TMEM63C: variants seen among roughly 807,000 people sequenced by gnomAD.
TMEM63C encodes transmembrane protein 63C.
TMEM63C carries 32 observed loss-of-function variants against 99.2 expected under a neutral mutation model. The observed-to-expected ratio is 0.32, with a 90% CI of 0.24 to 0.43. The LOEUF (loss-of-function observed/expected upper bound fraction) is 0.43, where lower values mean the gene tolerates loss of function less well. Among genes scored for constraint, TMEM63C ranks in the 20% least tolerant of loss-of-function variants. The pLI, the probability that TMEM63C is intolerant of heterozygous loss-of-function variation, is 1.00. For missense variants in TMEM63C, 826 were observed against 1,053.0 expected (o/e 0.78, Z 2.98); for synonymous variants, 376 against 397.9 (o/e 0.94, Z 0.66).
chr14:77,204,682 T>C (rs1888365898), intron 1 of TMEM63C, among the ~76,000 whole-genome samples: 1 of 152,250 alleles, frequency 6.6e-6, no homozygotes, highest in South Asian at 2.1e-4. Flanking sequence ...TCGAATGTAC[T>C]AGGTACAACA....
At chr14:77,203,472 G>A (rs2140098651) in intron 1 of TMEM63C, among the ~76,000 whole-genome samples, 1 of 152,130 alleles carries the variant, frequency 6.6e-6, no homozygotes, top group Middle Eastern at 3.4e-3. Flanking sequence ...ACAAGCACTG[G>A]CAACAGTTTC....
At chr14:77,195,937 A>C (rs1888206532) in intron 1 of TMEM63C, 1 of 152,564 alleles carries the variant, frequency 6.6e-6, no homozygotes, top group South Asian at 2.1e-4. Context: ...GCCTTGTGGT[A>C]GATACTGACA....
At chr14:77,216,250 C>T (rs1888584470) in intron 2 of TMEM63C, among the ~76,000 whole-genome samples, 1 of 152,144 alleles carries the variant, frequency 6.6e-6, no homozygotes, top group South Asian at 2.1e-4. Context: ...ACACCACCCT[C>T]TCCTGCTTTT....
Position 77,248,485 on chromosome 14 carries a change from G to C in TMEM63C, c.1740G>C (p.Glu580Asp). 1 of 1,590,562 alleles carries C rather than the reference G, an allele frequency of 6.3e-7. No homozygotes were observed. The highest frequency in any genetic ancestry group is 8.6e-7 in the Non-Finnish European group (1 of 1,168,540). The change falls in exon 19 of 24, where the codon GAG (glutamate) becomes GAC (aspartate). Residue 580 changes from glutamate to aspartate, a missense_variant. Transcript: ENST00000298351. ...YSTRLFFSRS[E>D]PERVNIRKNQ... ...CCCGCCTCTTCTTCTCTAGATCAGAGCCAGAGAGAGTCAACATCAGAAAGG... is the reference window on the plus strand; with the variant it reads ...CCCGCCTCTTCTTCTCTAGATCAGACCCAGAGAGAGTCAACATCAGAAAGG...
At chr14:77,214,924 C>A (rs189426287) in intron 2 of TMEM63C, among the ~76,000 whole-genome samples, 47 of 152,282 alleles carry the variant, frequency 3.1e-4, no homozygotes, top group Non-Finnish European at 3.5e-4. Context: ...TTTCCCTGGT[C>A]CTCACCCATC....
chr14:77,241,319 C>T (rs1257376877), intron 13 of TMEM63C, among the ~76,000 whole-genome samples: 2 of 152,180 alleles, frequency 1.3e-5, no homozygotes, highest in Non-Finnish European at 2.9e-5. Context: ...TGCCCTTCTC[C>T]TGCCGCAGGC....
At chr14:77,202,495 T>C (rs557526846) in intron 1 of TMEM63C, among the ~76,000 whole-genome samples, 2 of 152,314 alleles carry the variant, frequency 1.3e-5, no homozygotes, top group Non-Finnish European at 2.9e-5. Context: ...CCGTGCTCCC[T>C]CTGCAGGACC....
intron 1 of TMEM63C, among the ~76,000 whole-genome samples, chr14:77,201,640 G>A (rs1447899481): frequency 6.6e-6 from 1 of 152,232 alleles, no homozygotes; most frequent in Admixed American, 6.5e-5. Context: ...CAGAAACCCT[G>A]GGGCAGGGCC....
At chr14:77,243,902 G>C (rs1342397931) in intron 15 of TMEM63C, among the ~76,000 whole-genome samples, 1 of 151,860 alleles carries the variant, frequency 6.6e-6, no homozygotes, top group African/African-American at 2.4e-5. Context: ...ACACACACAA[G>C]TCAAGCCACA....
Position 77,248,760 on chromosome 14 carries a change from G to T in TMEM63C, c.1765-7G>T. ...CACCTCAGGGTGACACCTGCCTTCTGCCCCAGAACCAGGCCATAGACTTCC... is the reference window on the plus strand; with the variant it reads ...CACCTCAGGGTGACACCTGCCTTCTTCCCCAGAACCAGGCCATAGACTTCC... On this transcript the variant is annotated splice_region_variant and splice_polypyrimidine_tract_variant and intron_variant, in intron 19 of 23. Coordinates refer to ENST00000298351, the MANE Select transcript of TMEM63C (RefSeq NM_020431.4). The T allele has an allele frequency of 6.2e-7, 1 of 1,613,728 alleles. No individual in the cohort carries two copies. The highest frequency in any genetic ancestry group is 1.7e-5 in the Admixed American group (1 of 60,034).
chr14:77,214,116 T>G (rs1311744258), intron 2 of TMEM63C, among the ~76,000 whole-genome samples: 2 of 152,128 alleles, frequency 1.3e-5, no homozygotes, highest in Non-Finnish European at 2.9e-5. Context: ...TCCTGAAACC[T>G]TTCCATGGTG....
intron 12 of TMEM63C, among the ~76,000 whole-genome samples, chr14:77,240,126 C>T (rs1889140998): frequency 6.6e-6 from 1 of 152,248 alleles, no homozygotes; most frequent in Non-Finnish European, 1.5e-5. Context: ...GACTCAGACA[C>T]CTGCTTCAGG....
chr14:77,242,827 T>C, intron 14 of TMEM63C, 76 bp from the exon 15 acceptor site: 5 of 1,563,596 alleles, frequency 3.2e-6, no homozygotes, highest in Non-Finnish European at 4.4e-6. Flanking sequence ...GGTCCACAGC[T>C]GGCCTGCAGC....
intron 9 of TMEM63C, 67 bp from the exon 10 acceptor site, chr14:77,238,627 G>T: frequency 1.5e-6 from 2 of 1,322,124 alleles, no homozygotes; most frequent in South Asian, 2.4e-5. Context: ...GCCACCAAAA[G>T]ACTGAGGTGT....
chr14:77,252,733 T>A (rs1403945296), intron 22 of TMEM63C, among the ~76,000 whole-genome samples: 2 of 152,216 alleles, frequency 1.3e-5, no homozygotes. Context: ...TCTCTTTGCT[T>A]CTGGTGTCTC....
rs1185724819 is a variant in TMEM63C at position 77,259,182 on chromosome 14, C to G, written c.*2456C>G. ...CCAGCCACTTCCCAGCCGCCCCACC[C>G]CACTCCATCCACCAAATCACCTCCT... is the stretch of plus-strand genomic sequence containing the variant. On this transcript the variant is annotated 3_prime_UTR_variant, in exon 24 of 24. Coordinates refer to ENST00000298351, the MANE Select transcript of TMEM63C (RefSeq NM_020431.4). The G allele has an allele frequency of 6.5e-6, 1 of 153,274 alleles. No homozygotes were observed. Among genetic ancestry groups the G allele is most frequent in the Admixed American group, 6.5e-5 (1 of 15,292 alleles). The allele number at this position is 153,274 out of a possible 1,614,324, so 9.5% of individuals were successfully genotyped here. A position where few individuals can be genotyped will look rare whatever the true frequency, so the allele number is the denominator to read the frequency against.
chr14:77,240,646 T>C (rs1218737337), intron 13 of TMEM63C, 38 bp downstream of exon 13: 2 of 1,597,294 alleles, frequency 1.3e-6, no homozygotes, highest in Admixed American at 1.7e-5. Flanking sequence ...GCCCCAAGCA[T>C]ACTCCTGCTT....
At chr14:77,225,607 A>G (rs1407598502) in intron 6 of TMEM63C, 146 bp downstream of exon 6, 5 of 760,768 alleles carry the variant, frequency 6.6e-6, no homozygotes, top group African/African-American at 1.8e-5. Context: ...TTACCAGTGA[A>G]GGATGCTTTC....
At chr14:77,185,849 T>C (rs982436051) in intron 1 of TMEM63C, among the ~76,000 whole-genome samples, 1 of 151,876 alleles carries the variant, frequency 6.6e-6, no homozygotes, top group African/African-American at 2.4e-5. Context: ...GGTGAAGCAA[T>C]CCCCTCCACA....
Sources: gnomAD v4.1 joint callset for allele counts (sites outside exome capture counted in the v4.1 genomes callset) on GRCh38, gnomAD v4.1.1 for gene constraint, MANE v1.5 for transcripts, NCBI Gene and HGNC (gene_info 2026-07-23, HGNC 2026-07-21) for gene names.